Variants in IMMP2L observed in about 807,000 individuals in gnomAD.
IMMP2L encodes the protein mitochondrial inner membrane protease subunit 2.
Under a neutral mutation model 19.3 loss-of-function variants are expected in IMMP2L, and 18 were observed. That is an observed-to-expected ratio of 0.93 (90% CI 0.64 to 1.38). The LOEUF (loss-of-function observed/expected upper bound fraction) is 1.38. Among genes scored for constraint, IMMP2L ranks in the 40% most tolerant of loss-of-function variants. The pLI is 0.00. For synonymous variants in IMMP2L, 76 were observed against 73.0 expected (o/e 1.04, Z -0.21); for missense variants, 233 against 218.2 (o/e 1.07, Z -0.43).
intron 4 of IMMP2L, among the ~76,000 whole-genome samples, chr7:110,887,752 T>G (rs1563055757): frequency 6.7e-6 from 1 of 148,994 alleles, no homozygotes; most frequent in African/African-American, 2.5e-5. Context: ...TTTTTTTTTT[T>G]CTCTCTTTTA....
intron 3 of IMMP2L, among the ~76,000 whole-genome samples, chr7:111,254,023 T>C (rs1172388343): frequency 2.0e-5 from 3 of 152,144 alleles, no homozygotes; most frequent in Admixed American, 1.3e-4. Context: ...TAACTCCACA[T>C]AGTGCAAGGC....
intron 3 of IMMP2L, among the ~76,000 whole-genome samples, chr7:111,294,440 A>G (rs931200963): frequency 2.0e-5 from 3 of 151,982 alleles, no homozygotes; most frequent in African/African-American, 7.2e-5. Flanking sequence ...AGTTTTTTCA[A>G]AACAATGTAG....
chr7:111,414,667 G>C (rs531425063), intron 3 of IMMP2L, among the ~76,000 whole-genome samples: 2 of 151,786 alleles, frequency 1.3e-5, no homozygotes, highest in East Asian at 1.9e-4. Context: ...ATAGACTTTA[G>C]TTAATAATAT....
At chr7:110,912,954 T>C (rs1048189066) in intron 4 of IMMP2L, among the ~76,000 whole-genome samples, 7 of 152,090 alleles carry the variant, frequency 4.6e-5, no homozygotes, top group African/African-American at 1.7e-4. Flanking sequence ...AGAGAGGGAA[T>C]GGATAGTGGC....
chr7:111,042,885 G>C (rs1792033311), intron 3 of IMMP2L, among the ~76,000 whole-genome samples: 2 of 152,148 alleles, frequency 1.3e-5, no homozygotes, highest in Admixed American at 1.3e-4. Flanking sequence ...GTCTTGAAAG[G>C]GCAGAAATTA....
intron 3 of IMMP2L, among the ~76,000 whole-genome samples, chr7:111,260,935 G>A (rs559304309): frequency 7.1e-4 from 108 of 151,984 alleles, no homozygotes; most frequent in South Asian, 3.1e-3. Flanking sequence ...TGATTACAGC[G>A]TAAATACATG....
intron 5 of IMMP2L, among the ~76,000 whole-genome samples, chr7:110,752,210 T>C (rs927928964): frequency 1.3e-5 from 2 of 152,042 alleles, no homozygotes; most frequent in South Asian, 2.1e-4. Context: ...AAGCATTATA[T>C]AGGATATATA....
At chr7:111,054,734 G>T (rs1370353026) in intron 3 of IMMP2L, among the ~76,000 whole-genome samples, 1 of 152,162 alleles carries the variant, frequency 6.6e-6, no homozygotes, top group Admixed American at 6.5e-5. Flanking sequence ...CCCATACCAG[G>T]TTCTAAAATC....
chr7:111,210,024 T>G (rs1811144719), intron 3 of IMMP2L, among the ~76,000 whole-genome samples: 1 of 152,184 alleles, frequency 6.6e-6, no homozygotes, highest in Non-Finnish European at 1.5e-5. Flanking sequence ...GAATAATCAA[T>G]CTCTTCTCCG....
intron 3 of IMMP2L, among the ~76,000 whole-genome samples, chr7:111,331,662 T>G (rs1825890657): frequency 6.6e-6 from 1 of 151,842 alleles, no homozygotes; most frequent in Non-Finnish European, 1.5e-5. Flanking sequence ...ATACATCACT[T>G]TATACTCCAT....
At position 110,839,743 on chromosome 7, in the gene IMMP2L, TATG is replaced by T. The variant is rs1235452604; in HGVS notation, c.408+46847_408+46849del. ...CTGTTATGAATAGATAACAGCTATA[TATG>T]ATATCTATTCATATTAATCAATTAA... is the stretch of plus-strand genomic sequence containing the variant. On this transcript the variant is annotated intron_variant, in intron 5 of 5. Coordinates refer to ENST00000405709, the MANE Select transcript of IMMP2L (RefSeq NM_032549.4). 1.1e-4 allele frequency among the ~76,000 whole-genome samples: 16 copies of T among 152,276 alleles called. No individual in the cohort carries two copies. In the East Asian group the frequency reaches 1.2e-3, roughly 11 times the overall value.
intron 3 of IMMP2L, among the ~76,000 whole-genome samples, chr7:111,101,782 G>C (rs888842245): frequency 6.6e-6 from 1 of 151,538 alleles, no homozygotes; most frequent in South Asian, 2.1e-4. Flanking sequence ...AATAGTCTCA[G>C]TTAATATGTA....
intron 3 of IMMP2L, among the ~76,000 whole-genome samples, chr7:111,388,680 T>C (rs1325466167): frequency 6.6e-6 from 1 of 150,736 alleles, no homozygotes; most frequent in East Asian, 2.0e-4. Context: ...AAGAGAAAAA[T>C]GAGGAGGAAG....
intron 3 of IMMP2L, among the ~76,000 whole-genome samples, chr7:111,281,057 G>A (rs925872945): frequency 2.0e-5 from 3 of 149,996 alleles, no homozygotes; most frequent in East Asian, 2.0e-4. Context: ...GCAACAGAGC[G>A]AGACTCTGAG....
intron 5 of IMMP2L, among the ~76,000 whole-genome samples, chr7:110,740,245 A>G (rs1268620709): frequency 2.0e-5 from 3 of 152,162 alleles, no homozygotes; most frequent in Non-Finnish European, 4.4e-5. Context: ...GAAACAAACA[A>G]AAAACAAACA....
chr7:111,387,975 TAAAAAA>T (rs750267136), intron 3 of IMMP2L, among the ~76,000 whole-genome samples: 3 of 93,424 alleles, frequency 3.2e-5, no homozygotes, highest in Non-Finnish European at 6.1e-5. Context: ...ACTCTGTCTT[TAAAAAA>T]AAAAAAAAAA....
chr7:111,507,475 A>T (rs952770291), intron 2 of IMMP2L, among the ~76,000 whole-genome samples: 2 of 152,130 alleles, frequency 1.3e-5, no homozygotes, highest in Non-Finnish European at 2.9e-5. Flanking sequence ...AAGTACCATA[A>T]AACACAGATC....
intron 5 of IMMP2L, among the ~76,000 whole-genome samples, chr7:110,736,402 C>T (rs564928268): frequency 6.6e-6 from 1 of 152,294 alleles, no homozygotes; most frequent in South Asian, 2.1e-4. Flanking sequence ...TCCAGTAAAG[C>T]TGTGTGGGCA....
At chr7:110,890,276 T>C (rs1162525781) in intron 4 of IMMP2L, among the ~76,000 whole-genome samples, 1 of 152,028 alleles carries the variant, frequency 6.6e-6, no homozygotes, top group African/African-American at 2.4e-5. Flanking sequence ...TAAGTGAAAG[T>C]ATACTCTATT....
Sources: allele counts gnomAD v4.1 joint callset (sites outside exome capture counted in the v4.1 genomes callset), GRCh38; gene constraint gnomAD v4.1.1; transcripts MANE v1.5; gene names NCBI Gene and HGNC (gene_info 2026-07-23, HGNC 2026-07-21).